Variants in PLOD2 observed in about 807,000 individuals in gnomAD.
PLOD2 encodes lysine hydroxylase 2.
PLOD2 carries 65 observed loss-of-function variants against 101.0 expected under a neutral mutation model. That is an observed-to-expected ratio of 0.64 (90% CI 0.53 to 0.79). The LOEUF (loss-of-function observed/expected upper bound fraction) is 0.79. Among genes scored for constraint, PLOD2 ranks in the 30% least tolerant of loss-of-function variants. The probability of loss-of-function intolerance (pLI) is 0.00; values close to 1 mark genes in which losing one functional copy is unlikely to be tolerated. For synonymous variants in PLOD2, 314 were observed against 302.9 expected (o/e 1.04, Z -0.38); for missense variants, 909 against 914.6 (o/e 0.99, Z 0.08).
rs755896294 is a variant in PLOD2 at position 146,160,930 on chromosome 3, C to A, written c.60G>T (p.Trp20Cys). 12 of 1,600,288 alleles carry A rather than the reference C, an allele frequency of 7.5e-6. No homozygotes were observed. The highest frequency in any genetic ancestry group is 4.3e-6 in the Non-Finnish European group (5 of 1,173,950). The change falls in exon 1 of 20, where the codon TGG becomes TGT. Residue 20 changes from tryptophan to cysteine, a missense_variant. Transcript: ENST00000282903. Reference protein sequence around the residue: ...LLLLALVLHPWNPCLGADSEK... With the variant: ...LLLLALVLHPCNPCLGADSEK... ...CCGAGTCCGCACCCAGACAGGGATTCCAGGGGTGGAGGACGAGCGCCAGGA... is the reference window on the plus strand; with the variant it reads ...CCGAGTCCGCACCCAGACAGGGATTACAGGGGTGGAGGACGAGCGCCAGGA...
At chr3:146,113,155 T>G (rs912893781) in intron 3 of PLOD2, among the ~76,000 whole-genome samples, 26 of 152,308 alleles carry the variant, frequency 1.7e-4, no homozygotes, top group South Asian at 8.3e-4. Flanking sequence ...TAGCGTTTTA[T>G]AAGCCTGTAT....
intron 4 of PLOD2, among the ~76,000 whole-genome samples, chr3:146,109,679 T>C (rs184966277): frequency 3.3e-5 from 5 of 152,356 alleles, no homozygotes; most frequent in African/African-American, 1.2e-4. Context: ...CATTATAATT[T>C]CCAAGGTCAA....
chr3:146,120,846 C>G (rs560894156), intron 3 of PLOD2, among the ~76,000 whole-genome samples: 1 of 152,038 alleles, frequency 6.6e-6, no homozygotes, highest in Non-Finnish European at 1.5e-5. Context: ...CTCAGCCTCC[C>G]AAGTAGCTGT....
chr3:146,159,546 G>A (rs79993169), intron 1 of PLOD2, among the ~76,000 whole-genome samples: 2,871 of 152,216 alleles, frequency 0.019, 45 homozygotes, highest in Middle Eastern at 0.027. Context: ...CATTTTTCTG[G>A]GGAAGGCTTT....
At chr3:146,103,388 A>G (rs2108055338) in intron 6 of PLOD2, among the ~76,000 whole-genome samples, 1 of 152,306 alleles carries the variant, frequency 6.6e-6, no homozygotes, top group African/African-American at 2.4e-5. Context: ...ATAAAACTCA[A>G]GTCAGAGAGG....
chr3:146,149,692 A>C (rs1576630283), intron 1 of PLOD2, among the ~76,000 whole-genome samples: 1 of 152,314 alleles, frequency 6.6e-6, no homozygotes, highest in Admixed American at 6.5e-5. Flanking sequence ...ATACTGTACA[A>C]AAGACTCAGC....
chr3:146,149,971 T>C (rs2031981730), intron 1 of PLOD2, among the ~76,000 whole-genome samples: 1 of 152,150 alleles, frequency 6.6e-6, no homozygotes, highest in South Asian at 2.1e-4. Context: ...CTCCAAGGAT[T>C]AAGTCTCAGA....
At chr3:146,110,169 AT>A (rs1937602647) in intron 4 of PLOD2, 115 bp downstream of exon 4, 1 of 858,380 alleles carries the variant, frequency 1.2e-6, no homozygotes, top group East Asian at 2.6e-5. Flanking sequence ...CAATATACTA[AT>A]AATAAAATAA....
intron 11 of PLOD2, among the ~76,000 whole-genome samples, chr3:146,084,745 A>G (rs781144053): frequency 6.6e-6 from 1 of 152,120 alleles, no homozygotes; most frequent in Non-Finnish European, 1.5e-5. Context: ...AGCTACACAT[A>G]TGACTGTGGG....
chr3:146,080,853 A>G (rs1455712902), intron 12 of PLOD2, among the ~76,000 whole-genome samples: 1 of 152,158 alleles, frequency 6.6e-6, no homozygotes, highest in African/African-American at 2.4e-5. Flanking sequence ...AAAAACCTTT[A>G]TTGTATTTAC....
chr3:146,144,134 C>T (rs1227588404), intron 1 of PLOD2, among the ~76,000 whole-genome samples: 2 of 152,106 alleles, frequency 1.3e-5, no homozygotes, highest in Non-Finnish European at 2.9e-5. Context: ...TATTCTTCAA[C>T]CTAATCACTC....
At chr3:146,088,782 T>G (rs1936875618) in intron 8 of PLOD2, 71 bp from the exon 9 acceptor site, 1 of 1,234,762 alleles carries the variant, frequency 8.1e-7, no homozygotes, top group Non-Finnish European at 1.2e-6. Context: ...TATTCAAATG[T>G]TAATCAGCAT....
chr3:146,093,602 G>A (rs1937053363), intron 7 of PLOD2, among the ~76,000 whole-genome samples: 1 of 152,002 alleles, frequency 6.6e-6, no homozygotes, highest in Non-Finnish European at 1.5e-5. Context: ...AATATGCAAG[G>A]GTGAAAAGCA....
At chr3:146,127,680 G>A (rs2030653436) in intron 1 of PLOD2, among the ~76,000 whole-genome samples, 1 of 151,954 alleles carries the variant, frequency 6.6e-6, no homozygotes, top group Non-Finnish European at 1.5e-5. Flanking sequence ...CTTTCCCTTT[G>A]AGTAGATACC....
At chr3:146,103,832 C>T (rs1269719314) in intron 6 of PLOD2, among the ~76,000 whole-genome samples, 2 of 4,046 alleles carry the variant, frequency 4.9e-4, no homozygotes, top group Non-Finnish European at 4.0e-3. Flanking sequence ...CATGTACACA[C>T]ACACACACAC....
At chr3:146,077,650 A>G (rs911024442) in intron 14 of PLOD2, 4 of 447,264 alleles carry the variant, frequency 8.9e-6, no homozygotes, top group Non-Finnish European at 1.6e-5. Flanking sequence ...TCAGCCATAA[A>G]ATATAAATCA....
At chr3:146,140,984 A>G (rs1330830885) in intron 1 of PLOD2, among the ~76,000 whole-genome samples, 2 of 152,008 alleles carry the variant, frequency 1.3e-5, no homozygotes, top group South Asian at 2.1e-4. Flanking sequence ...TGCTCTGTCA[A>G]GAACACAACA....
chr3:146,071,526 T>C (rs1236004435), intron 17 of PLOD2, 103 bp from the exon 18 acceptor site: 2 of 1,107,930 alleles, frequency 1.8e-6, no homozygotes, highest in East Asian at 4.9e-5. Context: ...ACAATAAAAA[T>C]AACAGTTGTT....
At chr3:146,073,225 A>G (rs1576570105) in intron 16 of PLOD2, 62 bp downstream of exon 16, 11 of 667,528 alleles carry the variant, frequency 1.6e-5, no homozygotes, top group Non-Finnish European at 1.6e-5. Context: ...AGTAGTATTA[A>G]TAATATTTCT....
Sources: gnomAD v4.1 joint callset for allele counts (sites outside exome capture counted in the v4.1 genomes callset) on GRCh38, gnomAD v4.1.1 for gene constraint, MANE v1.5 for transcripts, NCBI Gene and HGNC (gene_info 2026-07-23, HGNC 2026-07-21) for gene names.